The following DYNLL1 variants were observed in gnomAD, a reference collection of about 807,000 sequenced individuals.
DYNLL1 encodes the protein dynein light chain 1, cytoplasmic.
Under a neutral mutation model 10.1 loss-of-function variants are expected in DYNLL1, and 3 were observed. The ratio of observed to expected loss-of-function variants is 0.30; its 90% CI spans 0.14 to 0.77. DYNLL1 has a LOEUF of 0.77. Among genes scored for constraint, DYNLL1 ranks in the 30% least tolerant of loss-of-function variants. DYNLL1 has a pLI of 0.66. For missense variants in DYNLL1, 47 were observed against 111.7 expected (o/e 0.42, Z 2.61); for synonymous variants, 46 against 41.2 (o/e 1.12, Z -0.45).
upstream of DYNLL1, chr12:120,494,028 A>C (rs986040454): frequency 1.3e-5 from 2 of 151,048 alleles, no homozygotes; most frequent in South Asian, 4.2e-4. Flanking sequence ...GATATGGAAA[A>C]AAATCATGAG....
At chr12:120,484,014 C>G (rs1026582690) in intron 1 of DYNLL1, among the ~76,000 whole-genome samples, 26 of 151,916 alleles carry the variant, frequency 1.7e-4, no homozygotes, top group Admixed American at 2.6e-4. Flanking sequence ...CACATTTGAG[C>G]TGTGTGGGTG....
rs763379402 is a variant in DYNLL1 at position 120,496,597 on chromosome 12, G to A, written c.132+44G>A. The A allele has an allele frequency of 3.4e-5, 55 of 1,613,816 alleles. No homozygotes were observed. The East Asian group carries it at 1.2e-3, about 35-fold the overall frequency. On this transcript the variant is annotated intron_variant, in intron 2 of 2. Coordinates refer to ENST00000242577, the MANE Select transcript of DYNLL1 (RefSeq NM_003746.3). Reference sequence around the variant, plus strand: ...GCCGATACGCAGCCGGGAGCAGGGGGTTCCTTCCCCCCGATCCTGCTTTCC... The same window carrying A: ...GCCGATACGCAGCCGGGAGCAGGGGATTCCTTCCCCCCGATCCTGCTTTCC...
chr12:120,494,266 G>C (rs1044692429), upstream of DYNLL1, among the ~76,000 whole-genome samples: 1 of 151,228 alleles, frequency 6.6e-6, no homozygotes, highest in Non-Finnish European at 1.5e-5. Flanking sequence ...ACCTGAAAAG[G>C]TTCTAATTAT....
At chr12:120,474,516 A>G (rs1363716923) in intron 1 of DYNLL1, among the ~76,000 whole-genome samples, 1 of 152,140 alleles carries the variant, frequency 6.6e-6, no homozygotes, top group Non-Finnish European at 1.5e-5. Context: ...AATCACCACT[A>G]AATAACTTAA....
chr12:120,479,476 A>G (rs934392833), intron 1 of DYNLL1, among the ~76,000 whole-genome samples: 46 of 138,644 alleles, frequency 3.3e-4, no homozygotes, highest in African/African-American at 1.1e-3. Flanking sequence ...AAAAATAATA[A>G]TAATAATAAT....
intron 1 of DYNLL1, among the ~76,000 whole-genome samples, chr12:120,483,125 G>A (rs572586515): frequency 1.6e-3 from 240 of 152,078 alleles, no homozygotes; most frequent in Non-Finnish European, 2.8e-3. Flanking sequence ...GGATCACAAG[G>A]TCAGGAGTTT....
upstream of DYNLL1, among the ~76,000 whole-genome samples, chr12:120,494,822 C>T (rs1879225424): frequency 1.3e-5 from 2 of 152,120 alleles, 1 homozygote; most frequent in Admixed American, 1.3e-4. Flanking sequence ...AAATAGGAAG[C>T]TTCCAGATAC....
intron 1 of DYNLL1, among the ~76,000 whole-genome samples, chr12:120,487,468 G>C (rs1179956243): frequency 1.3e-5 from 2 of 150,086 alleles, no homozygotes; most frequent in Admixed American, 6.6e-5. Context: ...GGCTAATTTT[G>C]TTTTTGTATT....
At chr12:120,484,569 G>A (rs1286010029) in intron 1 of DYNLL1, among the ~76,000 whole-genome samples, 1 of 152,052 alleles carries the variant, frequency 6.6e-6, no homozygotes, top group Non-Finnish European at 1.5e-5. Context: ...AATTTCTACA[G>A]TGTTTCACTT....
chr12:120,485,251 CTTTTTTTTT>C (rs34043402), intron 1 of DYNLL1, among the ~76,000 whole-genome samples: 22 of 76,802 alleles, frequency 2.9e-4, no homozygotes, highest in African/African-American at 1.1e-3. Flanking sequence ...TTGTAGAAGG[CTTTTTTTTT>C]TTTTTTTTTT....
chr12:120,496,728 C>A, intron 2 of DYNLL1, 175 bp downstream of exon 2: 2 of 960,114 alleles, frequency 2.1e-6, no homozygotes, highest in Non-Finnish European at 3.0e-6. Flanking sequence ...AGACCAGACC[C>A]CCGGCGTCCG....
At chr12:120,485,839 T>TAAAAAAAAAAAAAAAAAAAAAAA (rs749971979) in intron 1 of DYNLL1, among the ~76,000 whole-genome samples, 2 of 76,246 alleles carry the variant, frequency 2.6e-5, no homozygotes, top group Non-Finnish European at 4.8e-5. Context: ...AGTCCCTGTC[T>TAAAAAAAAAAAAAAAAAAAAAAA]AAAAAAAAAA....
intron 1 of DYNLL1, among the ~76,000 whole-genome samples, chr12:120,477,237 G>GT (rs1019113579): frequency 9.9e-5 from 15 of 152,022 alleles, no homozygotes; most frequent in South Asian, 2.1e-4. Flanking sequence ...CCAAGAGCAG[G>GT]TTTTTTTTAT....
intron 1 of DYNLL1, among the ~76,000 whole-genome samples, chr12:120,477,766 C>A (rs2137058591): frequency 6.6e-6 from 1 of 151,944 alleles, no homozygotes; most frequent in South Asian, 2.1e-4. Context: ...CAGAGCAAGA[C>A]CCCGTCTCTG....
At chr12:120,470,614 C>T (rs887877061) in intron 1 of DYNLL1, among the ~76,000 whole-genome samples, 3 of 152,168 alleles carry the variant, frequency 2.0e-5, no homozygotes, top group African/African-American at 7.2e-5. Flanking sequence ...GCGCTGCGTC[C>T]AGCTAGTTTA....
At chr12:120,486,612 G>A (rs577487120) in intron 1 of DYNLL1, among the ~76,000 whole-genome samples, 20 of 152,072 alleles carry the variant, frequency 1.3e-4, no homozygotes, top group East Asian at 5.8e-4. Flanking sequence ...TGGAACTACC[G>A]GCACACCCCA....
At chr12:120,473,786 G>C (rs1878699433) in intron 1 of DYNLL1, among the ~76,000 whole-genome samples, 1 of 151,690 alleles carries the variant, frequency 6.6e-6, no homozygotes, top group African/African-American at 2.4e-5. Flanking sequence ...TTGAGCTCAA[G>C]TGATCCGCCC....
chr12:120,492,902 T>G (rs1441140001), upstream of DYNLL1, among the ~76,000 whole-genome samples: 1 of 152,156 alleles, frequency 6.6e-6, no homozygotes, highest in Non-Finnish European at 1.5e-5. The surrounding 1 kb of genome is among the most constrained non-coding windows in gnomAD (Gnocchi z 4.1). Context: ...GAGTTTTTTT[T>G]TTTAATCCTC....
At chr12:120,492,626 TTAAC>T (rs2137067958), upstream of DYNLL1, among the ~76,000 whole-genome samples, 1 of 152,068 alleles carries the variant, frequency 6.6e-6, no homozygotes, top group South Asian at 2.1e-4. This position sits in a 1 kb window ranked among gnomAD's most constrained non-coding sequence, Gnocchi z 4.1. Flanking sequence ...CTTGGAGAGG[TTAAC>T]TAACTTGAAG....
Sources: gnomAD v4.1 joint callset for allele counts (sites outside exome capture counted in the v4.1 genomes callset) on GRCh38, gnomAD v4.1.1 for gene constraint, Gnocchi (gnomAD v3.1) non-coding constraint, MANE v1.5 for transcripts, NCBI Gene and HGNC (gene_info 2026-07-23, HGNC 2026-07-21) for gene names.